The following SGIP1 variants were observed in gnomAD, a reference collection of about 807,000 sequenced individuals.
SGIP1 encodes SH3GL interacting endocytic adaptor 1.
In SGIP1, 38 loss-of-function variants were observed where a neutral mutation model predicts 107.5. That is an observed-to-expected ratio of 0.35 (90% CI 0.27 to 0.46). SGIP1 has a LOEUF of 0.46. Ranked by LOEUF, SGIP1 falls within the 20% of genes least tolerant of loss-of-function variation. The probability of loss-of-function intolerance (pLI) is 1.00; values close to 1 mark genes in which losing one functional copy is unlikely to be tolerated. For synonymous variants in SGIP1, 365 were observed against 366.1 expected (o/e 1.00, Z 0.03); for missense variants, 929 against 1,019.5 (o/e 0.91, Z 1.21).
intron 21 of SGIP1, 46 bp downstream of exon 21, chr1:66,733,926 G>T: frequency 6.4e-7 from 1 of 1,569,990 alleles, no homozygotes; most frequent in Non-Finnish European, 8.7e-7. Context: ...TGACATATTT[G>T]TTTTCTAAAG....
chr1:66,560,691 T>C (rs1256922294), intron 1 of SGIP1, among the ~76,000 whole-genome samples: 1 of 152,030 alleles, frequency 6.6e-6, no homozygotes, highest in Non-Finnish European at 1.5e-5. Context: ...CTAATAAATA[T>C]TTACTAATAA....
At chr1:66,690,488 C>T in intron 17 of SGIP1, 172 bp downstream of exon 17, 2 of 816,350 alleles carry the variant, frequency 2.4e-6, no homozygotes, top group Non-Finnish European at 1.9e-6. Context: ...AGGCAAAGTG[C>T]TTTACCTAAG....
chr1:66,697,799 G>C (rs541665548), intron 18 of SGIP1, among the ~76,000 whole-genome samples: 2 of 152,054 alleles, frequency 1.3e-5, no homozygotes, highest in Non-Finnish European at 2.9e-5. Context: ...AATTTACCTC[G>C]AGAGTAGTGC....
intron 1 of SGIP1, among the ~76,000 whole-genome samples, chr1:66,585,081 A>T (rs1557973671): frequency 6.6e-6 from 1 of 152,176 alleles, no homozygotes; most frequent in Non-Finnish European, 1.5e-5. Context: ...TTCTTCCATT[A>T]TCATAATTAT....
chr1:66,615,199 A>G (rs1169883209), intron 1 of SGIP1, among the ~76,000 whole-genome samples: 1 of 151,846 alleles, frequency 6.6e-6, no homozygotes, highest in Non-Finnish European at 1.5e-5. Flanking sequence ...CAATGCTATG[A>G]ACTTGGCTCA....
intron 1 of SGIP1, among the ~76,000 whole-genome samples, chr1:66,559,021 A>C (rs2058570559): frequency 6.6e-6 from 1 of 152,042 alleles, no homozygotes; most frequent in South Asian, 2.1e-4. Flanking sequence ...GGAAAGGAGA[A>C]GGATGCTAAG....
rs2094508626 is a variant in SGIP1, at chr1:66,743,092, C to G, written c.2484C>G (p.Asn828Lys). The change falls in exon 25 of 25, where the codon AAC becomes AAG. Residue 828 changes from asparagine to lysine, a missense_variant. Physicochemically the swap from Asn to Lys is moderately conservative, Grantham distance 94 (BLOSUM62 0). Coordinates refer to ENST00000371037, the MANE Select transcript of SGIP1 (RefSeq NM_032291.4). ...RFAAGKYLADN is the reference protein window; with the variant it reads ...RFAAGKYLADK ...TTGCAGGAAAATACTTGGCAGATAA[C>G]TAATGAAATCTTATGCAAGGATTTG... 1 of 1,613,198 alleles carries G rather than the reference C, an allele frequency of 6.2e-7. No individual in the cohort carries two copies. Among genetic ancestry groups the G allele is most frequent in the African/African-American group, 1.3e-5 (1 of 74,878 alleles).
At chr1:66,739,562 C>T (rs1448725053) in intron 22 of SGIP1, 25 bp downstream of exon 22, 1 of 1,611,442 alleles carries the variant, frequency 6.2e-7, no homozygotes, top group Non-Finnish European at 8.5e-7. Context: ...ATTCTCTCCA[C>T]CAAAGGGCTC....
At chr1:66,577,311 T>C (rs1280031414) in intron 1 of SGIP1, among the ~76,000 whole-genome samples, 2 of 152,210 alleles carry the variant, frequency 1.3e-5, no homozygotes, top group Non-Finnish European at 2.9e-5. Context: ...TTGATTAATC[T>C]GGTCAAGTAT....
intron 1 of SGIP1, among the ~76,000 whole-genome samples, chr1:66,543,091 A>G (rs2055396325): frequency 6.6e-6 from 1 of 152,222 alleles, no homozygotes; most frequent in African/African-American, 2.4e-5. Context: ...CAACTTGAAG[A>G]AGGCCACCTC....
At chr1:66,673,081 A>G (rs962969140) in intron 11 of SGIP1, among the ~76,000 whole-genome samples, 200 bp from the exon 12 acceptor site, 2 of 152,154 alleles carry the variant, frequency 1.3e-5, no homozygotes, top group Admixed American at 6.5e-5. Context: ...ACCTTCTACC[A>G]ATTCTTTTGT....
At chr1:66,659,680 T>A (rs2080497394) in intron 7 of SGIP1, among the ~76,000 whole-genome samples, 2 of 151,874 alleles carry the variant, frequency 1.3e-5, no homozygotes, top group African/African-American at 4.8e-5. Flanking sequence ...GAGGCTGAGG[T>A]GGGAGGATCA....
chr1:66,709,997 T>C (rs2092803495), intron 18 of SGIP1, among the ~76,000 whole-genome samples: 1 of 151,778 alleles, frequency 6.6e-6, no homozygotes, highest in Non-Finnish European at 1.5e-5. Context: ...ATATATTTTA[T>C]ATAATATTTT....
At chr1:66,647,819 T>C (rs1335995230) in intron 7 of SGIP1, among the ~76,000 whole-genome samples, 2 of 152,174 alleles carry the variant, frequency 1.3e-5, no homozygotes, top group Non-Finnish European at 2.9e-5. Context: ...GAAAGAAAAG[T>C]CTTCCTTTTA....
At chr1:66,546,620 G>T (rs1448496484) in intron 1 of SGIP1, among the ~76,000 whole-genome samples, 7 of 152,158 alleles carry the variant, frequency 4.6e-5, no homozygotes, top group African/African-American at 1.7e-4. Context: ...TTGTGGTACG[G>T]TATGACTTCT....
At chr1:66,574,878 G>A (rs2060851114) in intron 1 of SGIP1, among the ~76,000 whole-genome samples, 1 of 152,160 alleles carries the variant, frequency 6.6e-6, no homozygotes, top group African/African-American at 2.4e-5. Context: ...AATTTATTTA[G>A]AGATTATGTC....
At chr1:66,696,617 T>C (rs1040924422) in intron 18 of SGIP1, among the ~76,000 whole-genome samples, 3 of 152,202 alleles carry the variant, frequency 2.0e-5, no homozygotes, top group Non-Finnish European at 4.4e-5. Flanking sequence ...TAGCTAGAAC[T>C]TATCCAGAAA....
At chr1:66,598,858 C>G (rs936091254) in intron 1 of SGIP1, among the ~76,000 whole-genome samples, 1 of 152,166 alleles carries the variant, frequency 6.6e-6, no homozygotes, top group Non-Finnish European at 1.5e-5. Flanking sequence ...TGGGCAGGGA[C>G]ACAAATCCAA....
rs1369020818 is a variant in SGIP1, at chr1:66,742,501, A to G, written c.2465-572A>G. 3.7e-4 allele frequency among the ~76,000 whole-genome samples: 9 copies of G among 24,530 alleles called. 1 individual carries two copies. The highest frequency in any genetic ancestry group is 1.0e-3 in the Admixed American group (2 of 1,966). The allele number at this position is 24,530 out of a possible 152,430, so 16.1% of individuals were successfully genotyped here. A position where few individuals can be genotyped will look rare whatever the true frequency, so the allele number is the denominator to read the frequency against. Reference sequence around the variant, plus strand: ...TTTTTTTTTTTTGAGACGGAGTCTCACTCTGTCGCCCAGGCTGGAGTGCAG... The same window carrying G: ...TTTTTTTTTTTTGAGACGGAGTCTCGCTCTGTCGCCCAGGCTGGAGTGCAG... On this transcript the variant is annotated intron_variant, in intron 24 of 24. Transcript: ENST00000371037.
Sources: gnomAD v4.1 joint callset for allele counts (sites outside exome capture counted in the v4.1 genomes callset) on GRCh38, gnomAD v4.1.1 for gene constraint, MANE v1.5 for transcripts, NCBI Gene and HGNC (gene_info 2026-07-23, HGNC 2026-07-21) for gene names.